Variants in FRRS1 observed in about 807,000 individuals in gnomAD.
FRRS1 encodes the protein ferric reductase 1.
Under a neutral mutation model 70.7 loss-of-function variants are expected in FRRS1, and 51 were observed. That is an observed-to-expected ratio of 0.72 (90% CI 0.58 to 0.91). FRRS1 has a LOEUF of 0.91. FRRS1 is among the 40% of genes least tolerant of loss of function. FRRS1 has a pLI of 0.00. For synonymous variants in FRRS1, 225 were observed against 238.7 expected (o/e 0.94, Z 0.53); for missense variants, 672 against 726.0 (o/e 0.93, Z 0.86).
intron 1 of FRRS1, among the ~76,000 whole-genome samples, chr1:99,758,745 G>A (rs1371685064): frequency 6.6e-6 from 1 of 152,166 alleles, no homozygotes; most frequent in Non-Finnish European, 1.5e-5. Context: ...TTTTCTTCTT[G>A]CAGAGAACCT....
rs766920499 is a variant in FRRS1, at chr1:99,715,699, A to G, written c.1237-27T>C. 23 of 1,515,274 alleles carry G rather than the reference A, an allele frequency of 1.5e-5. No individual in the cohort carries two copies. In the South Asian group the frequency reaches 2.5e-4, roughly 16 times the overall value. 93.9% of individuals were successfully genotyped at this position (1,515,274 alleles called of 1,614,324 possible). On this transcript the variant is annotated intron_variant, in intron 11 of 16. Coordinates refer to ENST00000646001, the MANE Select transcript of FRRS1 (RefSeq NM_001361041.2). ...TGCAAGGTAAAATGACAAATTAAGAAGACACTTATCCATGTAAAAGAAAGG... is the reference window on the plus strand; with the variant it reads ...TGCAAGGTAAAATGACAAATTAAGAGGACACTTATCCATGTAAAAGAAAGG...
At chr1:99,729,328 T>C (rs1038451507) in intron 8 of FRRS1, among the ~76,000 whole-genome samples, 11 of 142,950 alleles carry the variant, frequency 7.7e-5, no homozygotes, top group Non-Finnish European at 1.2e-4. Context: ...TCATCCTGTC[T>C]TAGAAACCCG....
At chr1:99,728,361 C>T (rs1362682922) in intron 9 of FRRS1, 132 bp downstream of exon 9, 8 of 786,786 alleles carry the variant, frequency 1.0e-5, no homozygotes, top group Non-Finnish European at 1.2e-5. Context: ...CAGTTTCTGG[C>T]AAAATTTGAC....
chr1:99,729,835 AAAT>A, intron 7 of FRRS1, 87 bp from the exon 8 acceptor site: 1 of 789,126 alleles, frequency 1.3e-6, no homozygotes, highest in South Asian at 1.7e-5. Flanking sequence ...TCAGGAAACC[AAAT>A]ATTATGTGAT....
At chr1:99,713,182 T>C (rs1474161839) in intron 12 of FRRS1, among the ~76,000 whole-genome samples, 1 of 152,212 alleles carries the variant, frequency 6.6e-6, no homozygotes, top group Non-Finnish European at 1.5e-5. Context: ...ATAAGATAGA[T>C]ACTATACCAC....
At chr1:99,733,056 C>CCAGAA (rs1245170876) in intron 7 of FRRS1, among the ~76,000 whole-genome samples, 2 of 152,002 alleles carry the variant, frequency 1.3e-5, no homozygotes, top group Non-Finnish European at 2.9e-5. Context: ...CCATGTGTTC[C>CCAGAA]CAGGCTCATC....
chr1:99,709,225 A>C lies in FRRS1; in HGVS notation c.1659T>G (p.Leu553=). 1.9e-6 allele frequency: 3 copies of C among 1,611,260 alleles called. No individual in the cohort carries two copies. Among genetic ancestry groups the C allele is most frequent in the Non-Finnish European group, 2.5e-6 (3 of 1,177,412 alleles). Residue 553 remains leucine (L), a synonymous_variant, in exon 16 of 17, where the codon CTT becomes CTG. Coordinates refer to ENST00000646001, the MANE Select transcript of FRRS1 (RefSeq NM_001361041.2). ...CTGTTTCCACTGCAGTAAATGACTG[A>C]AGGATCTGAATTCTGTCATCATCCA... ...EILDDDRIQI[L]QSFTAVETEG... is the part of the protein sequence containing the mutation.
At chr1:99,725,795 G>A (rs1655056297) in intron 9 of FRRS1, among the ~76,000 whole-genome samples, 1 of 152,122 alleles carries the variant, frequency 6.6e-6, no homozygotes, top group African/African-American at 2.4e-5. Context: ...AACCTATGAA[G>A]AAACATTTCA....
intron 11 of FRRS1, 151 bp downstream of exon 11, chr1:99,717,259 A>G (rs969576284): frequency 1.5e-5 from 10 of 645,770 alleles, no homozygotes; most frequent in Non-Finnish European, 2.5e-5. Context: ...GTCCACTCTC[A>G]ATTGATCAGG....
At chr1:99,747,741 T>C (rs749139993) in intron 3 of FRRS1, 16 of 215,566 alleles carry the variant, frequency 7.4e-5, no homozygotes, top group Admixed American at 1.1e-4. Context: ...TTGGGTACTA[T>C]GCTTATCACC....
chr1:99,755,262 T>TC (rs1656774004), intron 1 of FRRS1, among the ~76,000 whole-genome samples: 1 of 104,768 alleles, frequency 9.5e-6, no homozygotes, highest in Non-Finnish European at 1.7e-5. Context: ...CTCCAAAAAT[T>TC]TAAAAAAAAA....
chr1:99,732,442 T>G (rs1299508565), intron 7 of FRRS1, among the ~76,000 whole-genome samples: 1 of 152,164 alleles, frequency 6.6e-6, no homozygotes, highest in Non-Finnish European at 1.5e-5. Context: ...AAGCTATATT[T>G]TATTGAGCCA....
intron 1 of FRRS1, among the ~76,000 whole-genome samples, chr1:99,757,961 A>C (rs1489025077): frequency 4.6e-5 from 7 of 152,068 alleles, no homozygotes; most frequent in Non-Finnish European, 1.5e-5. Context: ...AAAAAAAAAA[A>C]AACACAGAAT....
At chr1:99,760,967 A>G (rs1371537379) in intron 1 of FRRS1, among the ~76,000 whole-genome samples, 3 of 152,160 alleles carry the variant, frequency 2.0e-5, no homozygotes, top group Non-Finnish European at 4.4e-5. Context: ...AAGACTTCTG[A>G]AAAAGATTTT....
In FRRS1 at chr1:99,708,626, ATATATATATAT is replaced by A. The variant is rs1471515533; in HGVS notation, c.*391_*401del. On this transcript the variant is annotated 3_prime_UTR_variant, in exon 17 of 17. Transcript: ENST00000646001. ...AAAAAAAAAAAAAAAAAAAAAAAAA[ATATATATATAT>A]ATATATATATATATATATATATATA... 180 of 22,504 alleles carry A rather than the reference ATATATATATAT, an allele frequency of 8.0e-3. 3 individuals are homozygous for A. The highest frequency in any genetic ancestry group is 9.9e-3 in the African/African-American group (65 of 6,556). 1.4% of individuals were successfully genotyped at this position (22,504 alleles called of 1,614,324 possible).
At chr1:99,759,519 G>A in intron 1 of FRRS1, among the ~76,000 whole-genome samples, 1 of 152,222 alleles carries the variant, frequency 6.6e-6, no homozygotes, top group East Asian at 1.9e-4. Context: ...GATAGAGGTG[G>A]AAATAGGTGT....
intron 14 of FRRS1, 150 bp from the exon 15 acceptor site, chr1:99,711,099 CTT>C: frequency 1.4e-6 from 1 of 704,250 alleles, no homozygotes; most frequent in Non-Finnish European, 2.3e-6. Flanking sequence ...TTAATTCAGA[CTT>C]TTAAAATTAT....
intron 1 of FRRS1, chr1:99,765,536 G>GGTTGCAGTGAGCCGAAATCCCGCC (rs1657312038): frequency 6.6e-6 from 1 of 152,086 alleles, no homozygotes; most frequent in Non-Finnish European, 1.5e-5. Context: ...GGGAGGCAGA[G>GGTTGCAGTGAGCCGAAATCCCGCC]GTTGCAGTGA....
intron 11 of FRRS1, 135 bp from the exon 12 acceptor site, chr1:99,715,807 G>T: frequency 1.0e-4 from 49 of 471,148 alleles, no homozygotes; most frequent in East Asian, 1.5e-4. Context: ...TCTAATCACA[G>T]TTTGTAGCCA....
Sources: gnomAD v4.1 joint callset for allele counts (sites outside exome capture counted in the v4.1 genomes callset) on GRCh38, gnomAD v4.1.1 for gene constraint, MANE v1.5 for transcripts, NCBI Gene and HGNC (gene_info 2026-07-23, HGNC 2026-07-21) for gene names.